Variants in DMRT1 observed in about 807,000 individuals in gnomAD.
DMRT1 encodes doublesex- and mab-3-related transcription factor 1.
Under a neutral mutation model 32.3 loss-of-function variants are expected in DMRT1, and 7 were observed. The observed-to-expected ratio is 0.22, with a 90% confidence interval of 0.12 to 0.41. The LOEUF (loss-of-function observed/expected upper bound fraction) is 0.41. Ranked by LOEUF, DMRT1 falls within the 10% of genes least tolerant of loss-of-function variation. DMRT1 has a pLI of 1.00. For synonymous variants in DMRT1, 278 were observed against 206.1 expected (o/e 1.35, Z -2.99); for missense variants, 625 against 500.5 (o/e 1.25, Z -2.37).
chr9:864,681 T>C (rs1041896868), intron 2 of DMRT1, among the ~76,000 whole-genome samples: 15 of 151,712 alleles, frequency 9.9e-5, no homozygotes, highest in South Asian at 2.1e-4. Flanking sequence ...TTTGTATTTT[T>C]AGTAGAGACA....
At chr9:916,373 C>CTT (rs397893687) in intron 3 of DMRT1, among the ~76,000 whole-genome samples, 12,990 of 146,118 alleles carry the variant, frequency 0.089, 1,005 homozygotes, top group African/African-American at 0.19. Context: ...CCTTAATTTG[C>CTT]TTTTTTTTTT....
At chr9:886,759 T>C (rs1195467910) in intron 2 of DMRT1, among the ~76,000 whole-genome samples, 1 of 152,200 alleles carries the variant, frequency 6.6e-6, no homozygotes, top group Non-Finnish European at 1.5e-5. Context: ...TTTAGGTTTA[T>C]CATCAATTAA....
chr9:945,780 C>T (rs12115486), intron 4 of DMRT1, among the ~76,000 whole-genome samples: 3,317 of 142,934 alleles, frequency 0.023, 129 homozygotes, highest in African/African-American at 0.082. Context: ...TGGCGTAATA[C>T]AGTGTTATGG....
chr9:936,691 T>C (rs141459438), intron 4 of DMRT1, among the ~76,000 whole-genome samples: 2 of 149,676 alleles, frequency 1.3e-5, no homozygotes, highest in East Asian at 3.9e-4. Flanking sequence ...GAGGCGGAAA[T>C]TGCAGTGAGC....
At chr9:926,975 C>T (rs186455895) in intron 4 of DMRT1, among the ~76,000 whole-genome samples, 62 of 152,310 alleles carry the variant, frequency 4.1e-4, no homozygotes, top group Middle Eastern at 3.4e-3. Context: ...AGAGAACTGA[C>T]GTCTGTCTGT....
chr9:891,195 A>G (rs1427938907), intron 2 of DMRT1, among the ~76,000 whole-genome samples: 2 of 151,754 alleles, frequency 1.3e-5, no homozygotes, highest in Non-Finnish European at 2.9e-5. Flanking sequence ...ATTAAAAAAA[A>G]AAAAAGCTAA....
intron 4 of DMRT1, among the ~76,000 whole-genome samples, chr9:960,675 ACGAGCTGGGCTTGGCCCAG>A: frequency 6.6e-6 from 1 of 152,344 alleles, no homozygotes; most frequent in South Asian, 2.1e-4. Context: ...GCTGAGGGGT[ACGAGCTGGGCTTGGCCCAG>A]CCTGACAGGT....
chr9:846,944 T>A lies in DMRT1; in HGVS notation c.355-16T>A. The A allele has an allele frequency of 6.2e-7, 1 of 1,614,024 alleles. No individual in the cohort carries two copies. Among genetic ancestry groups the A allele is most frequent in the Non-Finnish European group, 8.5e-7 (1 of 1,180,042 alleles). Reference sequence around the variant, plus strand: ...TCTGGAGTGCTGGAGGATGACTCATTGTCGTGTGCTTCCAGGTGGCCCTGA... The same window carrying A: ...TCTGGAGTGCTGGAGGATGACTCATAGTCGTGTGCTTCCAGGTGGCCCTGA... On this transcript the variant is annotated splice_polypyrimidine_tract_variant and intron_variant, in intron 1 of 4. Coordinates refer to ENST00000382276, the MANE Select transcript of DMRT1 (RefSeq NM_021951.3).
At chr9:867,946 A>G (rs1816064070) in intron 2 of DMRT1, among the ~76,000 whole-genome samples, 1 of 152,224 alleles carries the variant, frequency 6.6e-6, no homozygotes, top group Non-Finnish European at 1.5e-5. Flanking sequence ...TTGTGGTTAT[A>G]TAGTGATATG....
chr9:907,971 C>G (rs1184042172), intron 3 of DMRT1, among the ~76,000 whole-genome samples: 2 of 152,128 alleles, frequency 1.3e-5, no homozygotes, highest in African/African-American at 4.8e-5. Flanking sequence ...GTTGTTCCGT[C>G]AGTACCACTG....
At chr9:893,416 C>A (rs962106226) in intron 2 of DMRT1, among the ~76,000 whole-genome samples, 1 of 152,244 alleles carries the variant, frequency 6.6e-6, no homozygotes, top group Non-Finnish European at 1.5e-5. Context: ...TGCCCCTGGT[C>A]CGCACCTTTG....
chr9:861,696 C>T (rs919039401), intron 2 of DMRT1, among the ~76,000 whole-genome samples: 1 of 151,540 alleles, frequency 6.6e-6, no homozygotes, highest in Non-Finnish European at 1.5e-5. Context: ...AGGGGCCCCC[C>T]ACCTCCCAGA....
intron 4 of DMRT1, among the ~76,000 whole-genome samples, chr9:959,919 A>G (rs16926752): frequency 0.028 from 4,266 of 152,330 alleles, 95 homozygotes; most frequent in South Asian, 0.13. Context: ...TGAAGGCTAC[A>G]TTCCATTGTT....
intron 2 of DMRT1, among the ~76,000 whole-genome samples, chr9:891,668 C>G (rs932721491): frequency 6.6e-6 from 1 of 151,124 alleles, no homozygotes; most frequent in Non-Finnish European, 1.5e-5. Context: ...GCATACGCCA[C>G]CACGCCTGGC....
chr9:883,331 C>T (rs1816804584), intron 2 of DMRT1, among the ~76,000 whole-genome samples: 2 of 152,046 alleles, frequency 1.3e-5, no homozygotes, highest in Admixed American at 6.6e-5. Context: ...TACCACATTC[C>T]GTGTCTTGTG....
Position 968,888 on chromosome 9 carries a change from G to T in DMRT1, c.*749G>T, listed in dbSNP as rs1820021758. 1 of 152,612 alleles carries T rather than the reference G, an allele frequency of 6.6e-6. No homozygotes were observed. Among genetic ancestry groups the T allele is most frequent in the African/African-American group, 2.4e-5 (1 of 41,422 alleles). The allele number at this position is 152,612 out of a possible 1,614,324, so 9.5% of individuals were successfully genotyped here. On this transcript the variant is annotated 3_prime_UTR_variant, in exon 5 of 5. Coordinates refer to ENST00000382276, the MANE Select transcript of DMRT1 (RefSeq NM_021951.3). ...AAAAATGGATGCAGTCTGGACTGTTGTAACCTTAGGTTGTAATCTGATTTG... is the reference window on the plus strand; with the variant it reads ...AAAAATGGATGCAGTCTGGACTGTTTTAACCTTAGGTTGTAATCTGATTTG...
intron 4 of DMRT1, among the ~76,000 whole-genome samples, chr9:964,579 G>T (rs1819873745): frequency 6.6e-6 from 1 of 152,124 alleles, no homozygotes; most frequent in Admixed American, 6.6e-5. Context: ...ATGCTGGGAG[G>T]CTATCAATGA....
intron 4 of DMRT1, among the ~76,000 whole-genome samples, chr9:953,362 C>A (rs1157325033): frequency 6.6e-6 from 1 of 152,064 alleles, no homozygotes; most frequent in Non-Finnish European, 1.5e-5. Context: ...TTTAGTTATA[C>A]CCATCCAAGG....
At chr9:941,032 A>G (rs1395030987) in intron 4 of DMRT1, among the ~76,000 whole-genome samples, 1 of 152,194 alleles carries the variant, frequency 6.6e-6, no homozygotes, top group Admixed American at 6.5e-5. Context: ...ACAATGACAA[A>G]TGTTGACAAG....
Sources: gnomAD v4.1 joint callset for allele counts (sites outside exome capture counted in the v4.1 genomes callset) on GRCh38, gnomAD v4.1.1 for gene constraint, MANE v1.5 for transcripts, NCBI Gene and HGNC (gene_info 2026-07-23, HGNC 2026-07-21) for gene names.